The following CNTN5 variants were observed in gnomAD, a reference collection of about 807,000 sequenced individuals.
CNTN5 encodes the protein contactin 5.
CNTN5 carries 77 observed loss-of-function variants against 129.1 expected under a neutral mutation model. The ratio of observed to expected loss-of-function variants is 0.60; its 90% CI spans 0.50 to 0.72. CNTN5 has a LOEUF of 0.72. Ranked by LOEUF, CNTN5 falls within the 30% of genes least tolerant of loss-of-function variation. The pLI is 0.00. For missense variants in CNTN5, 1,478 were observed against 1,328.8 expected, an observed-to-expected ratio of 1.11 and a Z score of -1.75; for synonymous variants, 509 against 465.6, an observed-to-expected ratio of 1.09 and a Z score of -1.20.
chr11:99,143,087 T>A (rs1423136253), intron 1 of CNTN5, among the ~76,000 whole-genome samples: 1 of 151,828 alleles, frequency 6.6e-6, no homozygotes, highest in Non-Finnish European at 1.5e-5. Context: ...TCAGTGAGAG[T>A]TCCTTCTGGT....
At chr11:100,029,153 G>GGA (rs529117078) in intron 9 of CNTN5, among the ~76,000 whole-genome samples, 2 of 145,796 alleles carry the variant, frequency 1.4e-5, no homozygotes, top group East Asian at 4.0e-4. Context: ...TTCAGATATA[G>GGA]AAAAAAAAAA....
chr11:99,739,266 A>G (rs1171066349), intron 3 of CNTN5, among the ~76,000 whole-genome samples: 1 of 152,138 alleles, frequency 6.6e-6, no homozygotes, highest in East Asian at 1.9e-4. Context: ...GTCTTAAAAT[A>G]TGGGTAGTTC....
intron 9 of CNTN5, among the ~76,000 whole-genome samples, chr11:100,013,134 ATG>A: frequency 6.6e-6 from 1 of 152,164 alleles, no homozygotes; most frequent in Non-Finnish European, 1.5e-5. Context: ...GAGCCAAATA[ATG>A]TGTACACATG....
chr11:99,213,023 C>G (rs1012042610), intron 1 of CNTN5, among the ~76,000 whole-genome samples: 1 of 151,686 alleles, frequency 6.6e-6, no homozygotes, highest in South Asian at 2.1e-4. Flanking sequence ...AACCCCATCT[C>G]TACTAAGAAT....
At chr11:99,486,584 ATT>A (rs1419961162) in intron 2 of CNTN5, among the ~76,000 whole-genome samples, 1 of 152,210 alleles carries the variant, frequency 6.6e-6, no homozygotes, top group Non-Finnish European at 1.5e-5. Flanking sequence ...AGTGATGATT[ATT>A]TTTCAGTTAA....
chr11:99,561,928 T>C (rs1287702072), intron 3 of CNTN5, among the ~76,000 whole-genome samples: 2 of 152,166 alleles, frequency 1.3e-5, no homozygotes, highest in African/African-American at 4.8e-5. Context: ...ATCCCCAGAA[T>C]ATAACTGCTG....
intron 2 of CNTN5, among the ~76,000 whole-genome samples, chr11:99,334,357 A>G (rs1866131616): frequency 6.6e-6 from 1 of 152,172 alleles, no homozygotes. Context: ...ACTTGCAAAG[A>G]AACTTTGAAA....
In CNTN5 at chr11:99,276,403, T is replaced by G. The variant is rs561424224; in HGVS notation, c.-209-48943T>G. ...TAAATAATCAATGAATACTTAAAAC[T>G]ACACCTCACTAATTTGAATTTCGAA... is the stretch of plus-strand genomic sequence containing the variant. On this transcript the variant is annotated intron_variant, in intron 1 of 24. Coordinates refer to ENST00000524871, the MANE Select transcript of CNTN5 (RefSeq NM_014361.4). Among the ~76,000 whole-genome samples, 83 of 151,782 alleles carry G rather than the reference T, an allele frequency of 5.5e-4. 1 individual carries two copies. Among genetic ancestry groups the G allele is most frequent in the Non-Finnish European group, 8.4e-4 (57 of 67,758 alleles).
At chr11:99,050,752 T>C (rs1363090819) in intron 1 of CNTN5, among the ~76,000 whole-genome samples, 1 of 135,504 alleles carries the variant, frequency 7.4e-6, no homozygotes, top group Non-Finnish European at 1.6e-5. Flanking sequence ...AGAATTTTCA[T>C]TTTTTTCCTC....
intron 2 of CNTN5, among the ~76,000 whole-genome samples, chr11:99,443,289 G>A (rs996544661): frequency 3.3e-5 from 5 of 152,128 alleles, no homozygotes; most frequent in African/African-American, 2.4e-5. Flanking sequence ...ATCCAAGAAT[G>A]GTTAGCTCCT....
At chr11:99,348,600 C>G (rs985926859) in intron 2 of CNTN5, among the ~76,000 whole-genome samples, 6 of 152,174 alleles carry the variant, frequency 3.9e-5, no homozygotes, top group Non-Finnish European at 1.5e-5. Flanking sequence ...AGTTTAATCA[C>G]TTCTTCTGGA....
Position 99,573,812 on chromosome 11 carries a change from G to C in CNTN5, c.55+17543G>C, listed in dbSNP as rs576369688. On this transcript the variant is annotated intron_variant, in intron 3 of 24. Transcript: ENST00000524871. The stretch of plus-strand genomic sequence containing the variant: ...TGCATTTTGGAGAAACCTTTCTAGA[G>C]CATATGTAATTCTTTGAAACTTCTC... 2.4e-3 allele frequency among the ~76,000 whole-genome samples: 369 copies of C among 151,954 alleles called. 3 individuals are homozygous for C. The highest frequency in any genetic ancestry group is 8.4e-3 in the African/African-American group (347 of 41,492).
chr11:99,036,384 ATGT>A lies in CNTN5; in HGVS notation c.-210+15119_-210+15121del, dbSNP rs750355018. 2.6e-5 allele frequency among the ~76,000 whole-genome samples: 4 copies of A among 152,044 alleles called. No individual in the cohort carries two copies. In the East Asian group the frequency reaches 7.7e-4, roughly 29 times the overall value. ...ACATGTATCATTCTATTTATAGATAATGTTGTTTCAATTTTTCTTAATATAATT... is the reference window on the plus strand; with the variant it reads ...ACATGTATCATTCTATTTATAGATAATGTTTCAATTTTTCTTAATATAATT... On this transcript the variant is annotated intron_variant, in intron 1 of 24. Transcript: ENST00000524871.
At chr11:99,463,452 A>AAAAAC (rs1944809414) in intron 2 of CNTN5, among the ~76,000 whole-genome samples, 1 of 150,726 alleles carries the variant, frequency 6.6e-6, no homozygotes, top group African/African-American at 2.4e-5. Flanking sequence ...AGAAAAAAAA[A>AAAAAC]AAAAAAACAA....
chr11:99,188,088 A>C (rs1858444225), intron 1 of CNTN5, among the ~76,000 whole-genome samples: 1 of 151,868 alleles, frequency 6.6e-6, no homozygotes, highest in South Asian at 2.1e-4. Context: ...TATATTCTGA[A>C]GATGACTTTA....
At chr11:100,210,171 A>G (rs1407228912) in intron 15 of CNTN5, among the ~76,000 whole-genome samples, 1 of 98,276 alleles carries the variant, frequency 1.0e-5, no homozygotes, top group Non-Finnish European at 2.2e-5. Flanking sequence ...ACCTGCCTCT[A>G]TACAAAAAAA....
At chr11:100,044,709 A>T (rs1942574163) in intron 9 of CNTN5, among the ~76,000 whole-genome samples, 1 of 151,696 alleles carries the variant, frequency 6.6e-6, no homozygotes. Context: ...ACTTAAGTTC[A>T]TTGTATATTC....
chr11:99,236,622 T>C (rs2126254), intron 1 of CNTN5, among the ~76,000 whole-genome samples: 13,938 of 152,200 alleles, frequency 0.092, 710 homozygotes, highest in South Asian at 0.15. Context: ...TGCAGATAGT[T>C]ATAATATTTT....
At chr11:99,852,217 A>G (rs928352200) in intron 6 of CNTN5, among the ~76,000 whole-genome samples, 4 of 152,238 alleles carry the variant, frequency 2.6e-5, no homozygotes, top group Non-Finnish European at 5.9e-5. Flanking sequence ...CTTTAAAAGT[A>G]TAATTACTTT....
Sources: allele counts gnomAD v4.1 joint callset (sites outside exome capture counted in the v4.1 genomes callset), GRCh38; gene constraint gnomAD v4.1.1; transcripts MANE v1.5; gene names NCBI Gene and HGNC (gene_info 2026-07-23, HGNC 2026-07-21).